Variants in JAZF1 observed in about 807,000 individuals in gnomAD.
JAZF1 encodes juxtaposed with another zinc finger protein 1.
In JAZF1, 8 loss-of-function variants were observed where a neutral mutation model predicts 26.4. The observed-to-expected ratio is 0.30, with a 90% CI of 0.18 to 0.55. The LOEUF is 0.55. Among genes scored for constraint, JAZF1 ranks in the 20% least tolerant of loss-of-function variants. The pLI is 0.94. For synonymous variants in JAZF1, 126 were observed against 122.3 expected (o/e 1.03, Z -0.20); for missense variants, 199 against 322.0 (o/e 0.62, Z 2.92).
chr7:28,029,345 C>T (rs559175319), intron 1 of JAZF1, among the ~76,000 whole-genome samples: 17 of 152,174 alleles, frequency 1.1e-4, no homozygotes, highest in South Asian at 4.1e-4. Flanking sequence ...AGAATGAGGA[C>T]GAAACAATGG....
intron 2 of JAZF1, among the ~76,000 whole-genome samples, chr7:27,896,126 G>T (rs574136134): frequency 6.0e-4 from 91 of 152,238 alleles, no homozygotes; most frequent in African/African-American, 2.1e-3. Context: ...CTGATGATTT[G>T]TTTATGTTCT....
intron 1 of JAZF1, among the ~76,000 whole-genome samples, chr7:28,055,732 C>G (rs992866052): frequency 6.6e-6 from 1 of 152,058 alleles, no homozygotes; most frequent in South Asian, 2.1e-4. Context: ...AGATGCACAA[C>G]GATTATTTGC....
intron 1 of JAZF1, among the ~76,000 whole-genome samples, chr7:28,096,401 T>C (rs1784385311): frequency 6.6e-6 from 1 of 152,260 alleles, no homozygotes; most frequent in Non-Finnish European, 1.5e-5. Flanking sequence ...GAAATGACCT[T>C]TCCCTTGTCA....
chr7:27,847,209 C>T (rs61179177), intron 3 of JAZF1, among the ~76,000 whole-genome samples: 17,057 of 149,220 alleles, frequency 0.11, 1,472 homozygotes, highest in African/African-American at 0.24. Flanking sequence ...AGGCTGGTCT[C>T]GAACTCCCGA....
intron 2 of JAZF1, among the ~76,000 whole-genome samples, chr7:27,925,791 C>T (rs900718042): frequency 3.9e-5 from 6 of 152,144 alleles, no homozygotes; most frequent in African/African-American, 7.2e-5. Context: ...AAACACCCAT[C>T]GGAGGAGTTC....
At chr7:28,102,366 C>T (rs1449059781) in intron 1 of JAZF1, among the ~76,000 whole-genome samples, 5 of 152,200 alleles carry the variant, frequency 3.3e-5, no homozygotes, top group African/African-American at 9.6e-5. Context: ...CTGGCGATAG[C>T]GCCCAGAGCA....
intron 1 of JAZF1, among the ~76,000 whole-genome samples, chr7:28,143,798 C>A (rs973157687): frequency 6.6e-6 from 1 of 152,204 alleles, no homozygotes; most frequent in African/African-American, 2.4e-5. Flanking sequence ...CGGATAATAT[C>A]ATTTTCTCCT....
chr7:27,905,131 A>G (rs535128928), intron 2 of JAZF1, among the ~76,000 whole-genome samples: 120 of 124,362 alleles, frequency 9.6e-4, no homozygotes, highest in South Asian at 1.5e-3. Flanking sequence ...CACCACATCC[A>G]AGGCTAAATT....
chr7:28,086,929 C>T (rs1784220948), intron 1 of JAZF1, among the ~76,000 whole-genome samples: 1 of 152,116 alleles, frequency 6.6e-6, no homozygotes, highest in South Asian at 2.1e-4. Context: ...GGGTGATGTA[C>T]CCTGGGAAAT....
intron 1 of JAZF1, among the ~76,000 whole-genome samples, chr7:28,062,446 A>G (rs1402529129): frequency 6.6e-6 from 1 of 152,134 alleles, no homozygotes; most frequent in Non-Finnish European, 1.5e-5. Flanking sequence ...TGTGCAGAGC[A>G]TGCAGTCCCT....
chr7:28,113,787 C>G lies in JAZF1; in HGVS notation c.115+66676G>C, dbSNP rs539002584. Among the ~76,000 whole-genome samples, 18 of 152,294 alleles carry G rather than the reference C, an allele frequency of 1.2e-4. No individual in the cohort carries two copies. In the East Asian group the frequency reaches 3.5e-3, roughly 29 times the overall value. On this transcript the variant is annotated intron_variant, in intron 1 of 4. Transcript: ENST00000283928. Reference sequence around the variant, plus strand: ...ACTGTACTTTCTACTACACTACTAGCTCTCAAAATTTTGCTAAAGAAAGAG... The same window carrying G: ...ACTGTACTTTCTACTACACTACTAGGTCTCAAAATTTTGCTAAAGAAAGAG...
At chr7:27,995,390 A>T (rs910754504) in intron 1 of JAZF1, among the ~76,000 whole-genome samples, 5 of 152,160 alleles carry the variant, frequency 3.3e-5, no homozygotes, top group Non-Finnish European at 5.9e-5. Flanking sequence ...ACAACATTCG[A>T]CCACTTTCAT....
In JAZF1 at chr7:28,063,523, C is replaced by T. The variant is rs550258502; in HGVS notation, c.116-71542G>A. On this transcript the variant is annotated intron_variant, in intron 1 of 4. Coordinates refer to ENST00000283928, the MANE Select transcript of JAZF1 (RefSeq NM_175061.4). ...AAAAAAATCACTCTTGTAATAATGA[C>T]CAACATTATTAAACACTTCTTAAGT... 1.5e-4 allele frequency among the ~76,000 whole-genome samples: 23 copies of T among 152,180 alleles called. No individual in the cohort carries two copies. The South Asian group carries it at 3.3e-3, about 22-fold the overall frequency.
Position 28,009,522 on chromosome 7 carries a change from CGCCCAGGCTGGAGTGCAG to C in JAZF1, c.116-17559_116-17542del, listed in dbSNP as rs148132248. On this transcript the variant is annotated intron_variant, in intron 1 of 4. Transcript: ENST00000283928. ...TTTTTGAGACAGAGTCTCGCTCTGT[CGCCCAGGCTGGAGTGCAG>C]TGGCACGATCTCGGCTCACTGCAAC... Among the ~76,000 whole-genome samples the C allele has an allele frequency of 0.025, 3,744 of 150,668 alleles. 304 individuals are homozygous for C. In the East Asian group the frequency reaches 0.32, roughly 13 times the overall value.
chr7:28,081,501 C>G (rs1299578754), intron 1 of JAZF1, among the ~76,000 whole-genome samples: 1 of 152,204 alleles, frequency 6.6e-6, no homozygotes, highest in Admixed American at 6.5e-5. Flanking sequence ...TATTCTACTT[C>G]TTCACGCTGC....
chr7:28,080,642 A>G (rs12666444), intron 1 of JAZF1, among the ~76,000 whole-genome samples: 50,521 of 152,020 alleles, frequency 0.33, 9,594 homozygotes, highest in East Asian at 0.8. Context: ...CAACACTGCC[A>G]TGTCTCCAGG....
At chr7:28,057,599 T>C (rs547444332) in intron 1 of JAZF1, among the ~76,000 whole-genome samples, 4 of 152,354 alleles carry the variant, frequency 2.6e-5, no homozygotes, top group African/African-American at 9.6e-5. Flanking sequence ...TTATAATGAA[T>C]CTTCATGACC....
intron 2 of JAZF1, among the ~76,000 whole-genome samples, chr7:27,967,327 A>G (rs1375735013): frequency 6.6e-6 from 1 of 152,022 alleles, no homozygotes; most frequent in African/African-American, 2.4e-5. Flanking sequence ...GAACAGGAAT[A>G]GCTAAGGGAT....
At chr7:28,003,214 C>T (rs1782634225) in intron 1 of JAZF1, among the ~76,000 whole-genome samples, 1 of 151,162 alleles carries the variant, frequency 6.6e-6, no homozygotes, top group African/African-American at 2.4e-5. Flanking sequence ...ATTTTATTTT[C>T]TTGGATTTAA....
Sources: allele counts gnomAD v4.1 joint callset (sites outside exome capture counted in the v4.1 genomes callset), GRCh38; gene constraint gnomAD v4.1.1; transcripts MANE v1.5; gene names NCBI Gene and HGNC (gene_info 2026-07-23, HGNC 2026-07-21).